The following SGMS2 variants were observed in gnomAD, a reference collection of about 807,000 sequenced individuals.
SGMS2 encodes the protein phosphatidylcholine:ceramide cholinephosphotransferase 2.
SGMS2 carries 21 observed loss-of-function variants against 43.8 expected under a neutral mutation model. That is an observed-to-expected ratio of 0.48 (90% CI 0.34 to 0.69). The LOEUF (loss-of-function observed/expected upper bound fraction) is 0.69, where lower values mean the gene tolerates loss of function less well. Among genes scored for constraint, SGMS2 ranks in the 30% least tolerant of loss-of-function variants. The pLI, the probability that SGMS2 is intolerant of heterozygous loss-of-function variation, is 0.01. For synonymous variants in SGMS2, 167 were observed against 160.6 expected (o/e 1.04, Z -0.30); for missense variants, 384 against 443.2 (o/e 0.87, Z 1.20).
intron 2 of SGMS2, among the ~76,000 whole-genome samples, chr4:107,865,452 G>A (rs1301629255): frequency 1.3e-5 from 2 of 152,076 alleles, no homozygotes; most frequent in African/African-American, 2.4e-5. Context: ...AGGTATTTTG[G>A]AAAAGGCCTT....
intron 2 of SGMS2, 162 bp downstream of exon 2, chr4:107,858,715 C>A (rs962862533): frequency 1.3e-5 from 2 of 152,168 alleles, no homozygotes; most frequent in African/African-American, 4.8e-5. Flanking sequence ...TCATAAATGT[C>A]GTAACTCTGA....
At chr4:107,873,401 G>A (rs1728687279) in intron 2 of SGMS2, 1 of 151,950 alleles carries the variant, frequency 6.6e-6, no homozygotes, top group Non-Finnish European at 1.5e-5. Context: ...GTTCTTCTCT[G>A]TTACCCATGT....
intron 5 of SGMS2, among the ~76,000 whole-genome samples, chr4:107,904,377 T>C (rs1484382808): frequency 1.3e-5 from 2 of 152,148 alleles, no homozygotes; most frequent in Non-Finnish European, 2.9e-5. Flanking sequence ...CTCTTGGCCC[T>C]TTGTTCATCC....
At chr4:107,830,025 C>T (rs765710384) in intron 1 of SGMS2, among the ~76,000 whole-genome samples, 1 of 152,170 alleles carries the variant, frequency 6.6e-6, no homozygotes, top group Admixed American at 6.6e-5. Context: ...TCTTCACCCT[C>T]CTCCCACCCT....
At chr4:107,834,161 T>G (rs1726044687) in intron 1 of SGMS2, among the ~76,000 whole-genome samples, 1 of 152,264 alleles carries the variant, frequency 6.6e-6, no homozygotes, top group South Asian at 2.1e-4. Context: ...TTTTGATTTG[T>G]TCCTTATGCC....
intron 1 of SGMS2, among the ~76,000 whole-genome samples, chr4:107,857,966 AGCC>A (rs1295154028): frequency 1.3e-5 from 2 of 152,130 alleles, no homozygotes; most frequent in Non-Finnish European, 2.9e-5. Flanking sequence ...GGGCCAGCCC[AGCC>A]GTTCCCTCTG....
intron 2 of SGMS2, among the ~76,000 whole-genome samples, chr4:107,888,919 T>C (rs1303858030): frequency 6.6e-6 from 1 of 152,194 alleles, no homozygotes; most frequent in Non-Finnish European, 1.5e-5. Context: ...TTATGAAAAC[T>C]GTGATAGTCA....
At chr4:107,833,007 G>A (rs532154814) in intron 1 of SGMS2, among the ~76,000 whole-genome samples, 69 of 152,122 alleles carry the variant, frequency 4.5e-4, no homozygotes, top group Non-Finnish European at 7.8e-4. Flanking sequence ...CAGCCTGGGC[G>A]ACAGAGTGAG....
intron 2 of SGMS2, among the ~76,000 whole-genome samples, chr4:107,883,122 C>G (rs1449876593): frequency 6.6e-6 from 1 of 152,128 alleles, no homozygotes; most frequent in East Asian, 1.9e-4. Flanking sequence ...TACTGGAACC[C>G]ATGTCTATGC....
intron 2 of SGMS2, among the ~76,000 whole-genome samples, chr4:107,889,982 G>T (rs566529225): frequency 6.6e-6 from 1 of 152,236 alleles, no homozygotes; most frequent in East Asian, 1.9e-4. Context: ...CAAAAAGGGA[G>T]AATTTTTATG....
At chr4:107,860,731 G>T (rs1727685952) in intron 2 of SGMS2, among the ~76,000 whole-genome samples, 2 of 152,048 alleles carry the variant, frequency 1.3e-5, no homozygotes, top group Non-Finnish European at 2.9e-5. Flanking sequence ...CGCCATGTTG[G>T]CCAGGCTGGT....
intron 1 of SGMS2, among the ~76,000 whole-genome samples, chr4:107,854,871 G>T (rs1727332246): frequency 6.6e-6 from 1 of 152,134 alleles, no homozygotes; most frequent in Non-Finnish European, 1.5e-5. Flanking sequence ...ATTGCTCATT[G>T]CCTCTTGTGT....
At chr4:107,908,795 C>T (rs930532985) in intron 6 of SGMS2, 64 bp downstream of exon 6, 9 of 1,482,566 alleles carry the variant, frequency 6.1e-6, no homozygotes, top group Middle Eastern at 2.0e-4. Context: ...CTTTTCATGT[C>T]GTGGGGTTTT....
chr4:107,839,953 AC>A (rs1162709896), intron 1 of SGMS2, among the ~76,000 whole-genome samples: 13 of 152,122 alleles, frequency 8.5e-5, no homozygotes, highest in African/African-American at 2.9e-4. Context: ...CACAGTGTAT[AC>A]CTATTGTCCT....
At chr4:107,858,157 T>C (rs1727532218) in intron 1 of SGMS2, among the ~76,000 whole-genome samples, 1 of 152,232 alleles carries the variant, frequency 6.6e-6, no homozygotes, top group Non-Finnish European at 1.5e-5. Flanking sequence ...CTTGTTTATC[T>C]GTGTGTTCCT....
At chr4:107,898,661 C>G (rs1730872768) in intron 3 of SGMS2, among the ~76,000 whole-genome samples, 1 of 152,138 alleles carries the variant, frequency 6.6e-6, no homozygotes, top group Non-Finnish European at 1.5e-5. Context: ...TCCTGTTCAG[C>G]TGGACTAAAG....
Position 107,912,012 on chromosome 4 carries a change from C to T in SGMS2, c.*1459C>T, listed in dbSNP as rs572952568. On this transcript the variant is annotated 3_prime_UTR_variant, in exon 7 of 7. Transcript: ENST00000690982. ...AGAGGCCAATGCGGGTAGAAGGAGG[C>T]AGTTATGTTTATATTGAAGGTGAAA... The T allele has an allele frequency of 6.6e-6, 1 of 152,072 alleles. No individual in the cohort carries two copies. The highest frequency in any genetic ancestry group is 1.5e-5 in the Non-Finnish European group (1 of 68,004). 9.4% of individuals were successfully genotyped at this position (152,072 alleles called of 1,614,324 possible). A position where few individuals can be genotyped will look rare whatever the true frequency, so the allele number is the denominator to read the frequency against.
At chr4:107,874,727 A>C (rs1479564847) in intron 2 of SGMS2, among the ~76,000 whole-genome samples, 2 of 152,182 alleles carry the variant, frequency 1.3e-5, no homozygotes, top group Non-Finnish European at 2.9e-5. Context: ...GTATATTTTA[A>C]GTATCAATAT....
intron 2 of SGMS2, among the ~76,000 whole-genome samples, chr4:107,892,239 A>AG (rs1303739356): frequency 1.3e-5 from 2 of 150,694 alleles, no homozygotes; most frequent in Non-Finnish European, 1.5e-5. Context: ...AACTCCAAAA[A>AG]AAAAAAAAAA....
Sources: allele counts gnomAD v4.1 joint callset (sites outside exome capture counted in the v4.1 genomes callset), GRCh38; gene constraint gnomAD v4.1.1; transcripts MANE v1.5; gene names NCBI Gene and HGNC (gene_info 2026-07-23, HGNC 2026-07-21).